CNTNAP2: variants seen among roughly 807,000 people sequenced by gnomAD.
CNTNAP2 encodes contactin-associated protein-like 2.
Under a neutral mutation model 155.2 loss-of-function variants are expected in CNTNAP2, and 98 were observed. The observed-to-expected ratio is 0.63, with a 90% confidence interval of 0.54 to 0.75. The LOEUF (loss-of-function observed/expected upper bound fraction) is 0.75, where lower values mean the gene tolerates loss of function less well. Among genes scored for constraint, CNTNAP2 ranks in the 30% least tolerant of loss-of-function variants. The pLI, the probability that CNTNAP2 is intolerant of heterozygous loss-of-function variation, is 0.00. For synonymous variants in CNTNAP2, 651 were observed against 631.2 expected, an observed-to-expected ratio of 1.03 and a Z score of -0.47; for missense variants, 1,727 against 1,688.1, an observed-to-expected ratio of 1.02 and a Z score of -0.40.
At chr7:148,036,731 A>G (rs959727538) in intron 15 of CNTNAP2, among the ~76,000 whole-genome samples, 2 of 152,190 alleles carry the variant, frequency 1.3e-5, no homozygotes, top group Non-Finnish European at 2.9e-5. Flanking sequence ...CATATAATAT[A>G]TTAGCTGCAG....
intron 1 of CNTNAP2, among the ~76,000 whole-genome samples, chr7:146,684,674 C>CTCTGCCAG (rs1800564805): frequency 7.9e-6 from 1 of 127,356 alleles, no homozygotes; most frequent in Non-Finnish European, 1.6e-5. Flanking sequence ...GAGGATTTAG[C>CTCTGCCAG]TCTGCCAGTT....
chr7:146,905,425 T>C lies in CNTNAP2; in HGVS notation c.402+65521T>C, dbSNP rs530345100. 1.0e-3 allele frequency among the ~76,000 whole-genome samples: 156 copies of C among 152,328 alleles called. 1 individual carries two copies. The highest frequency in any genetic ancestry group is 9.7e-4 in the Non-Finnish European group (66 of 68,034). Reference sequence around the variant, plus strand: ...GATACAGAATTCTTTCTACATTCTCTTCCTATTTGGAAGGACTTCCCCTTT... The same window carrying C: ...GATACAGAATTCTTTCTACATTCTCCTCCTATTTGGAAGGACTTCCCCTTT... On this transcript the variant is annotated intron_variant, in intron 3 of 23. Transcript: ENST00000361727.
chr7:146,793,569 G>T (rs368997623), intron 2 of CNTNAP2, among the ~76,000 whole-genome samples: 3 of 152,242 alleles, frequency 2.0e-5, no homozygotes, highest in Non-Finnish European at 4.4e-5. Flanking sequence ...ACATCAATTT[G>T]CAGGGCAGTC....
intron 12 of CNTNAP2, among the ~76,000 whole-genome samples, chr7:147,602,921 G>A: frequency 6.6e-6 from 1 of 152,032 alleles, no homozygotes; most frequent in Non-Finnish European, 1.5e-5. Flanking sequence ...CCAAGTCTTT[G>A]CTATTGTGAA....
At chr7:147,738,847 G>T (rs931449945) in intron 13 of CNTNAP2, among the ~76,000 whole-genome samples, 3 of 151,858 alleles carry the variant, frequency 2.0e-5, no homozygotes, top group Non-Finnish European at 2.9e-5. Context: ...TACAGACAGG[G>T]TTTCGCCATG....
At chr7:148,162,350 C>G (rs1213054600) in intron 17 of CNTNAP2, among the ~76,000 whole-genome samples, 1 of 152,126 alleles carries the variant, frequency 6.6e-6, no homozygotes, top group Non-Finnish European at 1.5e-5. Flanking sequence ...ACTAAAATAG[C>G]TGTTAATAAT....
intron 1 of CNTNAP2, among the ~76,000 whole-genome samples, chr7:146,458,816 T>C (rs1796594738): frequency 6.6e-6 from 1 of 152,132 alleles, no homozygotes. Flanking sequence ...GATTGGCTTC[T>C]CATGAGCAAG....
At chr7:148,080,020 G>A (rs2116545021) in intron 15 of CNTNAP2, among the ~76,000 whole-genome samples, 1 of 152,266 alleles carries the variant, frequency 6.6e-6, no homozygotes, top group Middle Eastern at 3.4e-3. Context: ...GTCTCTAAGA[G>A]CTAATGTGCA....
chr7:146,297,013 A>G (rs895333409), intron 1 of CNTNAP2, among the ~76,000 whole-genome samples: 1 of 151,764 alleles, frequency 6.6e-6, no homozygotes, highest in Non-Finnish European at 1.5e-5. Context: ...TCTAATATTA[A>G]TAGAAACAAT....
chr7:147,182,414 G>T (rs1190430131), intron 8 of CNTNAP2, among the ~76,000 whole-genome samples: 1 of 151,934 alleles, frequency 6.6e-6, no homozygotes, highest in Non-Finnish European at 1.5e-5. Context: ...CTAAAAATAA[G>T]ATATAGTCAT....
chr7:146,732,024 G>A (rs192121257), intron 1 of CNTNAP2, among the ~76,000 whole-genome samples: 45 of 152,188 alleles, frequency 3.0e-4, no homozygotes, highest in Non-Finnish European at 5.1e-4. Context: ...TTCCCAGCGA[G>A]TACCTATCAT....
chr7:147,044,470 G>T (rs1386952952), intron 4 of CNTNAP2, among the ~76,000 whole-genome samples: 1 of 151,962 alleles, frequency 6.6e-6, no homozygotes, highest in Non-Finnish European at 1.5e-5. Context: ...ACTTCCTTCG[G>T]GTTCACTAAG....
At chr7:148,382,275 C>T (rs547615851) in intron 21 of CNTNAP2, among the ~76,000 whole-genome samples, 2 of 152,320 alleles carry the variant, frequency 1.3e-5, no homozygotes, top group East Asian at 3.9e-4. Flanking sequence ...GTTCCACCAT[C>T]GGAACCCCGT....
intron 10 of CNTNAP2, among the ~76,000 whole-genome samples, chr7:147,399,360 A>G (rs868397512): frequency 6.6e-6 from 1 of 152,214 alleles, no homozygotes; most frequent in African/African-American, 2.4e-5. Context: ...AAATTATGCC[A>G]TTATAATCCA....
chr7:147,183,571 G>GTGTGTC (rs1802509609), intron 8 of CNTNAP2, among the ~76,000 whole-genome samples: 2 of 152,140 alleles, frequency 1.3e-5, no homozygotes, highest in Admixed American at 1.3e-4. Context: ...AAGTGTGTGT[G>GTGTGTC]TGTGTGTGTT....
intron 8 of CNTNAP2, among the ~76,000 whole-genome samples, chr7:147,259,732 T>A (rs1454679958): frequency 1.3e-5 from 2 of 152,200 alleles, no homozygotes; most frequent in Non-Finnish European, 2.9e-5. Flanking sequence ...TGAGGCTGTT[T>A]TGTTCAAAGG....
chr7:147,033,160 G>GTGTATA (rs1554427639), intron 3 of CNTNAP2, among the ~76,000 whole-genome samples: 3 of 90,842 alleles, frequency 3.3e-5, no homozygotes, highest in African/African-American at 4.1e-5. Context: ...ATATATATAT[G>GTGTATA]TATATATATA....
At chr7:147,737,835 C>T (rs1171657822) in intron 13 of CNTNAP2, among the ~76,000 whole-genome samples, 3 of 152,332 alleles carry the variant, frequency 2.0e-5, no homozygotes, top group African/African-American at 7.2e-5. Flanking sequence ...GGGATGTAAT[C>T]TCCTAGTGTG....
rs184574364 is a variant in CNTNAP2 at position 147,231,569 on chromosome 7, C to G, written c.1349-68572C>G. ...CCCACTAACAGTGTACAAGAGTTCA[C>G]TTTTCTTTACACCCTTGCCAACATT... On this transcript the variant is annotated intron_variant, in intron 8 of 23. Coordinates refer to ENST00000361727, the MANE Select transcript of CNTNAP2 (RefSeq NM_014141.6). Among the ~76,000 whole-genome samples the G allele has an allele frequency of 2.7e-3, 410 of 152,328 alleles. 1 individual carries two copies. The highest frequency in any genetic ancestry group is 9.2e-3 in the African/African-American group (384 of 41,576).
Sources: allele counts gnomAD v4.1 joint callset (sites outside exome capture counted in the v4.1 genomes callset), GRCh38; gene constraint gnomAD v4.1.1; transcripts MANE v1.5; gene names NCBI Gene and HGNC (gene_info 2026-07-23, HGNC 2026-07-21).